SSPN: variants seen among roughly 807,000 people sequenced by gnomAD.
The protein encoded by SSPN is K-ras oncogene-associated protein.
In SSPN, 15 loss-of-function variants were observed where a neutral mutation model predicts 19.1. That is an observed-to-expected ratio of 0.78 (90% CI 0.52 to 1.21). SSPN has a LOEUF of 1.21. SSPN is among the 50% of genes most tolerant of loss of function. The pLI is 0.00. For synonymous variants in SSPN, 147 were observed against 140.3 expected, an observed-to-expected ratio of 1.05 and a Z score of -0.34; for missense variants, 291 against 314.0, an observed-to-expected ratio of 0.93 and a Z score of 0.55.
chr12:26,158,632 T>C (rs1944569614), intron 1 of SSPN, among the ~76,000 whole-genome samples: 1 of 152,250 alleles, frequency 6.6e-6, no homozygotes, highest in Non-Finnish European at 1.5e-5. Context: ...AAGAGGCAGA[T>C]GAGTCCTGGC....
intron 1 of SSPN, among the ~76,000 whole-genome samples, chr12:26,152,975 C>A (rs1265505447): frequency 1.3e-5 from 2 of 152,198 alleles, no homozygotes; most frequent in African/African-American, 2.4e-5. Flanking sequence ...TGGGCCGTAG[C>A]ACTTGTTCCC....
chr12:26,129,784 A>G lies in SSPN; in HGVS notation c.-31+7632A>G, dbSNP rs149060559. ...AGTTTATGCACTTATTAGTCTTTGCATAGCTTCAAGGAGCAGATAATATTG... is the reference window on the plus strand; with the variant it reads ...AGTTTATGCACTTATTAGTCTTTGCGTAGCTTCAAGGAGCAGATAATATTG... On this transcript the variant is annotated intron_variant, in intron 1 of 2. Transcript: ENST00000538142. Among the ~76,000 whole-genome samples, 55 of 152,358 alleles carry G rather than the reference A, an allele frequency of 3.6e-4. 1 individual carries two copies. The highest frequency in any genetic ancestry group is 1.3e-3 in the African/African-American group (52 of 41,586).
intron 1 of SSPN, among the ~76,000 whole-genome samples, chr12:26,165,254 A>G (rs1016517075): frequency 6.6e-6 from 1 of 152,222 alleles, no homozygotes; most frequent in African/African-American, 2.4e-5. Flanking sequence ...TTCCGTCTAT[A>G]CAGAGCTGGG....
chr12:26,179,166 C>T (rs550983715), intron 1 of SSPN, among the ~76,000 whole-genome samples: 6 of 152,114 alleles, frequency 3.9e-5, no homozygotes, highest in African/African-American at 7.2e-5. Context: ...AACACTGGGA[C>T]GGGAAGAGGG....
chr12:26,201,034 T>TATATATATATA (rs1565685483), intron 1 of SSPN, among the ~76,000 whole-genome samples: 1 of 55,860 alleles, frequency 1.8e-5, no homozygotes, highest in African/African-American at 6.4e-5. Context: ...TATATATATA[T>TATATATATATA]ATATATATAT....
intron 1 of SSPN, among the ~76,000 whole-genome samples, chr12:26,181,506 G>C (rs1405255573): frequency 6.6e-6 from 1 of 152,040 alleles, no homozygotes; most frequent in Non-Finnish European, 1.5e-5. Context: ...AGGGAGCACG[G>C]TAAGAACTCA....
intron 1 of SSPN, among the ~76,000 whole-genome samples, chr12:26,156,507 G>T (rs948541152): frequency 6.6e-6 from 1 of 152,162 alleles, no homozygotes; most frequent in African/African-American, 2.4e-5. Context: ...TTTGGCTGAA[G>T]AGGTCCCTCA....
intron 1 of SSPN, among the ~76,000 whole-genome samples, chr12:26,162,259 G>T (rs1442727529): frequency 6.6e-6 from 1 of 152,122 alleles, no homozygotes; most frequent in Non-Finnish European, 1.5e-5. Flanking sequence ...ATTATTACCA[G>T]ATTCACCTAT....
upstream of SSPN, among the ~76,000 whole-genome samples, chr12:26,194,113 T>A (rs377257094): frequency 1.4e-4 from 22 of 152,316 alleles, no homozygotes; most frequent in East Asian, 3.1e-3. Context: ...ACAATGACCA[T>A]ACCAAAGGAG....
At chr12:26,130,282 C>T (rs756462151) in intron 1 of SSPN, among the ~76,000 whole-genome samples, 2 of 152,160 alleles carry the variant, frequency 1.3e-5, no homozygotes, top group Admixed American at 6.5e-5. Flanking sequence ...ATGTGAAGCA[C>T]ATTCAAATAT....
chr12:26,188,245 C>T (rs1037526723), intron 1 of SSPN, among the ~76,000 whole-genome samples: 5 of 152,068 alleles, frequency 3.3e-5, no homozygotes, highest in Non-Finnish European at 7.4e-5. Flanking sequence ...CTCATAACCA[C>T]ATAAAAATGA....
chr12:26,124,757 A>C, intron 1 of SSPN: 2 of 1,614,238 alleles, frequency 1.2e-6, no homozygotes, highest in Non-Finnish European at 1.7e-6. Context: ...TCTCTCTTGC[A>C]AATGAGGAAT....
At chr12:26,189,836 G>A (rs532088785) in intron 1 of SSPN, among the ~76,000 whole-genome samples, 1 of 152,278 alleles carries the variant, frequency 6.6e-6, no homozygotes, top group East Asian at 1.9e-4. Flanking sequence ...TACTTCATGT[G>A]ATTTCTCTGT....
In SSPN at chr12:26,230,929, A is replaced by T. The variant is rs1380802029; in HGVS notation, c.585A>T (p.Leu195Phe). 3.1e-6 allele frequency: 5 copies of T among 1,613,914 alleles called. No homozygotes were observed. Among genetic ancestry groups the T allele is most frequent in the Non-Finnish European group, 3.4e-6 (4 of 1,180,006 alleles). The change falls in exon 3 of 3, where the codon TTA (leucine) becomes TTT (phenylalanine). Residue 195 changes from leucine (L) to phenylalanine (F), a missense_variant. Around this residue, in one of 3 missense-constraint regions of SSPN, gnomAD observed 141 missense variants for 166.7 expected, o/e 0.85. Transcript: ENST00000242729. ...TSVTGTFKLFLLIQMILNLVC... is the reference protein window; with the variant it reads ...TSVTGTFKLFFLIQMILNLVC... ...TCACTGGCACTTTCAAACTGTTCTTACTCATCCAGATGATTCTTAATTTGG... is the reference window on the plus strand; with the variant it reads ...TCACTGGCACTTTCAAACTGTTCTTTCTCATCCAGATGATTCTTAATTTGG...
intron 1 of SSPN, among the ~76,000 whole-genome samples, chr12:26,153,178 C>G (rs1944535520): frequency 6.6e-6 from 1 of 152,204 alleles, no homozygotes; most frequent in Admixed American, 6.5e-5. Flanking sequence ...AGCCTCTAAA[C>G]CTCAGTTTTC....
chr12:26,232,020 A>G lies in SSPN; in HGVS notation c.*944A>G. 3 of 984,992 alleles carry G rather than the reference A, an allele frequency of 3.0e-6. No individual in the cohort carries two copies. The highest frequency in any genetic ancestry group is 3.6e-6 in the Non-Finnish European group (3 of 829,798). 61.0% of individuals were successfully genotyped at this position (984,992 alleles called of 1,614,324 possible). A position where few individuals can be genotyped will look rare whatever the true frequency, so the allele number is the denominator to read the frequency against. The stretch of plus-strand genomic sequence containing the variant: ...AAGCACCACAAGGAAAAAAAAAATT[A>G]TTAATAGCTCAGGTTAAAAACACCC... On this transcript the variant is annotated 3_prime_UTR_variant, in exon 3 of 3. Transcript: ENST00000242729.
At chr12:26,131,642 G>T (rs1411365147) in intron 1 of SSPN, among the ~76,000 whole-genome samples, 2 of 152,252 alleles carry the variant, frequency 1.3e-5, no homozygotes, top group East Asian at 3.8e-4. Flanking sequence ...AGAGGTAAGT[G>T]AGTGCAGTGC....
chr12:26,143,408 T>C (rs1401703181), intron 1 of SSPN, among the ~76,000 whole-genome samples: 1 of 152,242 alleles, frequency 6.6e-6, no homozygotes, highest in East Asian at 1.9e-4. Flanking sequence ...TGGGCATCAT[T>C]ATTCTTATTT....
At chr12:26,176,671 C>CATGTTCTAG (rs1169286024) in intron 1 of SSPN, among the ~76,000 whole-genome samples, 1 of 152,186 alleles carries the variant, frequency 6.6e-6, no homozygotes, top group Non-Finnish European at 1.5e-5. Context: ...TTGAGATTTA[C>CATGTTCTAG]ATGTTCTAGA....
Sources: gnomAD v4.1 joint callset for allele counts (sites outside exome capture counted in the v4.1 genomes callset) on GRCh38, gnomAD v4.1.1 for gene constraint, gnomAD v4.1.1 regional missense constraint, MANE v1.5 for transcripts, NCBI Gene and HGNC (gene_info 2026-07-23, HGNC 2026-07-21) for gene names.